The following AGBL1 variants were observed in gnomAD, a reference collection of about 807,000 sequenced individuals.
The protein encoded by AGBL1 is AGBL carboxypeptidase 1.
A neutral mutation model predicts 118.9 loss-of-function variants in AGBL1; 130 were observed. That is an observed-to-expected ratio of 1.09 (90% CI 0.95 to 1.26). The LOEUF is 1.26. Ranked by LOEUF, AGBL1 falls within the 50% of genes most tolerant of loss-of-function variation. The pLI, the probability that AGBL1 is intolerant of heterozygous loss-of-function variation, is 0.00. For missense variants in AGBL1, 1,584 were observed against 1,298.1 expected, an observed-to-expected ratio of 1.22 and a Z score of -3.38; for synonymous variants, 555 against 478.9, an observed-to-expected ratio of 1.16 and a Z score of -2.08.
intron 22 of AGBL1, among the ~76,000 whole-genome samples, chr15:86,797,506 T>A (rs2078589779): frequency 6.6e-6 from 1 of 152,222 alleles, no homozygotes; most frequent in African/African-American, 2.4e-5. Flanking sequence ...AAATAAAAAA[T>A]GCACCAGGCA....
chr15:86,124,400 T>C (rs890831244), intron 1 of AGBL1, among the ~76,000 whole-genome samples: 1 of 150,284 alleles, frequency 6.7e-6, no homozygotes, highest in Non-Finnish European at 1.5e-5. Flanking sequence ...AAATCAATAA[T>C]GTACCAATGT....
At chr15:86,491,329 A>G (rs1420453974) in intron 18 of AGBL1, among the ~76,000 whole-genome samples, 1 of 152,098 alleles carries the variant, frequency 6.6e-6, no homozygotes, top group African/African-American at 2.4e-5. Context: ...GGTCATAAAG[A>G]GAAAAGCATA....
chr15:86,528,471 T>A (rs1331871768), intron 19 of AGBL1, among the ~76,000 whole-genome samples: 1 of 151,718 alleles, frequency 6.6e-6, no homozygotes, highest in Non-Finnish European at 1.5e-5. Context: ...CCACGGAATC[T>A]CGCTGATTGC....
intron 5 of AGBL1, among the ~76,000 whole-genome samples, chr15:86,175,674 C>A (rs1311830468): frequency 6.6e-6 from 1 of 152,072 alleles, no homozygotes; most frequent in Non-Finnish European, 1.5e-5. Context: ...TTACTGTATT[C>A]CACAGATTTT....
chr15:86,898,436 T>C (rs1368909838), intron 22 of AGBL1, among the ~76,000 whole-genome samples: 1 of 152,208 alleles, frequency 6.6e-6, no homozygotes, highest in Non-Finnish European at 1.5e-5. Context: ...TAGCCAGTTA[T>C]CTCAGCACAA....
At chr15:86,236,168 T>C (rs1391963163) in intron 6 of AGBL1, among the ~76,000 whole-genome samples, 1 of 152,216 alleles carries the variant, frequency 6.6e-6, no homozygotes, top group African/African-American at 2.4e-5. Context: ...CAGATGACAG[T>C]GTAGCTGCTC....
intron 22 of AGBL1, among the ~76,000 whole-genome samples, chr15:86,880,503 A>G (rs554812673): frequency 1.3e-4 from 20 of 152,278 alleles, no homozygotes; most frequent in African/African-American, 3.8e-4. Flanking sequence ...GAGTCTCAAT[A>G]GTAGTGAGAG....
At chr15:86,472,427 A>G in intron 18 of AGBL1, among the ~76,000 whole-genome samples, 1 of 152,196 alleles carries the variant, frequency 6.6e-6, no homozygotes, top group Admixed American at 6.5e-5. Flanking sequence ...CAACAAGCTT[A>G]TAATTACATC....
chr15:86,278,978 T>C (rs1009343235), intron 15 of AGBL1, among the ~76,000 whole-genome samples: 1 of 152,228 alleles, frequency 6.6e-6, no homozygotes, highest in Non-Finnish European at 1.5e-5. Context: ...AAGAAAGTAT[T>C]GTACAGTGGA....
At chr15:86,462,298 G>T (rs10520632) in intron 18 of AGBL1, among the ~76,000 whole-genome samples, 105,038 of 151,918 alleles carry the variant, frequency 0.69, 37,704 homozygotes, top group African/African-American at 0.85. Flanking sequence ...GACGTCCTTA[G>T]TAGCATCTGT....
chr15:86,119,616 G>A (rs539869116), intron 1 of AGBL1, among the ~76,000 whole-genome samples: 1 of 152,092 alleles, frequency 6.6e-6, no homozygotes, highest in South Asian at 2.1e-4. Flanking sequence ...CAATGGCTAG[G>A]TGGTATAAAA....
chr15:86,199,659 G>C (rs1376222746), intron 5 of AGBL1, among the ~76,000 whole-genome samples: 1 of 152,128 alleles, frequency 6.6e-6, no homozygotes, highest in Non-Finnish European at 1.5e-5. Flanking sequence ...TTTCATCTTG[G>C]ATGAACTCTC....
At chr15:86,107,935 G>T (rs952867515) in intron 1 of AGBL1, among the ~76,000 whole-genome samples, 1 of 152,156 alleles carries the variant, frequency 6.6e-6, no homozygotes, top group Non-Finnish European at 1.5e-5. Flanking sequence ...AGGAAGATCA[G>T]CTCTCTTAAA....
intron 22 of AGBL1, among the ~76,000 whole-genome samples, chr15:86,776,750 ATGTGTGTGTGTG>A (rs10570012): frequency 0.011 from 1,595 of 139,698 alleles, 30 homozygotes; most frequent in African/African-American, 0.038. Flanking sequence ...ATATATATAT[ATGTGTGTGTGTG>A]TGTGTGTGTG....
At chr15:86,225,588 A>G (rs1348820026) in intron 6 of AGBL1, among the ~76,000 whole-genome samples, 1 of 152,106 alleles carries the variant, frequency 6.6e-6, no homozygotes, top group African/African-American at 2.4e-5. Flanking sequence ...GCCCTGGCCT[A>G]ATTACGTTGG....
chr15:86,497,822 T>G (rs1028547891), intron 18 of AGBL1, among the ~76,000 whole-genome samples: 1 of 151,928 alleles, frequency 6.6e-6, no homozygotes, highest in African/African-American at 2.4e-5. Flanking sequence ...TTGCCTTGCT[T>G]CCTTTTGGCA....
chr15:86,287,061 G>A lies in AGBL1; in HGVS notation c.2220+7278G>A, dbSNP rs576551540. 2.0e-5 allele frequency among the ~76,000 whole-genome samples: 3 copies of A among 152,102 alleles called. No homozygotes were observed. The South Asian group carries it at 6.2e-4, about 32-fold the overall frequency. On this transcript the variant is annotated intron_variant, in intron 16 of 22. Transcript: ENST00000614907. ...ATAACCAATCTAACAAGTGTGAAGTGGTATCTCATTGTGGTTTTATTTTGC... is the reference window on the plus strand; with the variant it reads ...ATAACCAATCTAACAAGTGTGAAGTAGTATCTCATTGTGGTTTTATTTTGC...
chr15:86,763,547 T>C (rs1477034619), intron 22 of AGBL1, among the ~76,000 whole-genome samples: 6 of 152,072 alleles, frequency 3.9e-5, no homozygotes, highest in Non-Finnish European at 8.8e-5. Flanking sequence ...CTTCAGAGAT[T>C]GTGGTTCCCG....
At chr15:86,468,667 C>T (rs759730115) in intron 18 of AGBL1, among the ~76,000 whole-genome samples, 1 of 152,104 alleles carries the variant, frequency 6.6e-6, no homozygotes, top group Non-Finnish European at 1.5e-5. Flanking sequence ...GGCTCCTGTG[C>T]TTATTAAAAT....
Sources: gnomAD v4.1 joint callset for allele counts (sites outside exome capture counted in the v4.1 genomes callset) on GRCh38, gnomAD v4.1.1 for gene constraint, MANE v1.5 for transcripts, NCBI Gene and HGNC (gene_info 2026-07-23, HGNC 2026-07-21) for gene names.